Variants in PKIB observed in about 807,000 individuals in gnomAD.
PKIB encodes cAMP-dependent protein kinase inhibitor beta.
In PKIB, 2 loss-of-function variants were observed where a neutral mutation model predicts 4.5. That is an observed-to-expected ratio of 0.44 (90% CI 0.18 to 1.39). The LOEUF (loss-of-function observed/expected upper bound fraction) is 1.39, where lower values mean the gene tolerates loss of function less well. PKIB is among the 40% of genes most tolerant of loss of function. The pLI, the probability that PKIB is intolerant of heterozygous loss-of-function variation, is 0.27. For synonymous variants in PKIB, 38 were observed against 36.0 expected (o/e 1.06, Z -0.20); for missense variants, 94 against 92.6 (o/e 1.02, Z -0.06).
intron 2 of PKIB, among the ~76,000 whole-genome samples, chr6:122,561,165 T>C (rs942339180): frequency 5.9e-5 from 9 of 151,998 alleles, no homozygotes; most frequent in African/African-American, 1.2e-4. Flanking sequence ...GTCTTTTTGA[T>C]GTAGGCGCTT....
At chr6:122,712,727 A>C (rs1345973733) in intron 3 of PKIB, among the ~76,000 whole-genome samples, 1 of 152,212 alleles carries the variant, frequency 6.6e-6, no homozygotes, top group Admixed American at 6.5e-5. Flanking sequence ...CAATGGTTTC[A>C]CTGTGGAAGA....
chr6:122,494,265 A>G (rs1776016968), intron 2 of PKIB, among the ~76,000 whole-genome samples: 1 of 152,194 alleles, frequency 6.6e-6, no homozygotes, highest in South Asian at 2.1e-4. Context: ...TCTGCTTGCT[A>G]GTTTGGAAGT....
intron 2 of PKIB, among the ~76,000 whole-genome samples, chr6:122,667,681 A>T (rs1777287440): frequency 6.6e-6 from 1 of 152,228 alleles, no homozygotes; most frequent in African/African-American, 2.4e-5. Context: ...TTATGGAAAA[A>T]AATTAAAAGT....
chr6:122,617,352 T>C (rs1775034520), intron 1 of PKIB, among the ~76,000 whole-genome samples: 2 of 152,212 alleles, frequency 1.3e-5, no homozygotes, highest in South Asian at 2.1e-4. Flanking sequence ...GGAATACTTT[T>C]CTGGCACGGT....
At chr6:122,508,515 G>A (rs1392063907) in intron 2 of PKIB, among the ~76,000 whole-genome samples, 1 of 152,118 alleles carries the variant, frequency 6.6e-6, no homozygotes, top group African/African-American at 2.4e-5. Context: ...TAGTAAGTAT[G>A]GGGGAAACCA....
intron 3 of PKIB, chr6:122,701,583 T>G: frequency 6.7e-7 from 1 of 1,494,292 alleles, no homozygotes; most frequent in Non-Finnish European, 9.1e-7. Flanking sequence ...ACATAGGCCA[T>G]AGCTCAAGCC....
Position 122,717,808 on chromosome 6 carries a change from C to T in PKIB, c.14C>T (p.Ser5Leu). The T allele has an allele frequency of 6.2e-7, 1 of 1,614,042 alleles. No individual in the cohort carries two copies. The highest frequency in any genetic ancestry group is 8.5e-7 in the Non-Finnish European group (1 of 1,179,978). Residue 5 changes from serine (S) to leucine (L), a missense_variant, in exon 4 of 5, where the codon TCA becomes TTA. Transcript: ENST00000368452. ...GTAGATGTTGCTATGAGGACAGATTCATCAAAAATGACTGACGTGGAGTCT... is the reference window on the plus strand; with the variant it reads ...GTAGATGTTGCTATGAGGACAGATTTATCAAAAATGACTGACGTGGAGTCT... MRTDSSKMTDVESGV... is the reference protein window; with the variant it reads MRTDLSKMTDVESGV...
At chr6:122,707,805 A>G (rs1779121705) in intron 3 of PKIB, among the ~76,000 whole-genome samples, 3 of 152,162 alleles carry the variant, frequency 2.0e-5, no homozygotes, top group Admixed American at 1.3e-4. Flanking sequence ...ATTCTTGTAT[A>G]TGTGCCGCTG....
chr6:122,539,316 G>A (rs947394094), intron 2 of PKIB, among the ~76,000 whole-genome samples: 4 of 152,072 alleles, frequency 2.6e-5, no homozygotes, highest in African/African-American at 9.7e-5. Context: ...TTGGCTGTGG[G>A]TTTGTCATAG....
intron 3 of PKIB, among the ~76,000 whole-genome samples, chr6:122,596,862 G>C (rs1392938261): frequency 2.0e-5 from 3 of 152,180 alleles, no homozygotes; most frequent in Admixed American, 6.5e-5. Flanking sequence ...GCCTTCTCCT[G>C]TTCTGGACCC....
chr6:122,497,426 G>A (rs577025787), intron 2 of PKIB, among the ~76,000 whole-genome samples: 8 of 152,254 alleles, frequency 5.3e-5, no homozygotes, highest in African/African-American at 1.9e-4. Context: ...AAGGCAAAGA[G>A]CAGCAAGTTG....
chr6:122,663,971 GA>G (rs1436069568), intron 2 of PKIB, among the ~76,000 whole-genome samples: 1 of 152,110 alleles, frequency 6.6e-6, no homozygotes, highest in Middle Eastern at 3.2e-3. Flanking sequence ...TTAGCATTTA[GA>G]ACATATGTTC....
chr6:122,672,074 G>A (rs1201669682), intron 2 of PKIB, among the ~76,000 whole-genome samples: 1 of 152,086 alleles, frequency 6.6e-6, no homozygotes, highest in Non-Finnish European at 1.5e-5. Context: ...AAGGAGGATG[G>A]ACAAGCACCA....
chr6:122,478,147 G>A (rs555272525), intron 2 of PKIB: 1 of 151,528 alleles, frequency 6.6e-6, no homozygotes, highest in South Asian at 2.1e-4. Flanking sequence ...TTCCATTATT[G>A]CTTATGGGTC....
intron 2 of PKIB, among the ~76,000 whole-genome samples, chr6:122,520,703 C>G (rs1047302929): frequency 1.7e-5 from 2 of 119,870 alleles, no homozygotes; most frequent in African/African-American, 6.5e-5. Context: ...TTGATGCAAA[C>G]AAATTGTGGT....
At chr6:122,541,688 T>G (rs1439312046) in intron 2 of PKIB, among the ~76,000 whole-genome samples, 2 of 151,932 alleles carry the variant, frequency 1.3e-5, no homozygotes, top group Non-Finnish European at 2.9e-5. Context: ...GAGGAGTATC[T>G]TTGTGGCGTT....
intron 4 of PKIB, among the ~76,000 whole-genome samples, chr6:122,720,672 T>A (rs6918709): frequency 0.99 from 150,040 of 152,210 alleles, 73,984 homozygotes; most frequent in Middle Eastern, 1. Context: ...ACGGAAAAAG[T>A]TTCTGAGATA....
intron 2 of PKIB, among the ~76,000 whole-genome samples, chr6:122,485,994 T>C (rs940025272): frequency 6.6e-6 from 1 of 152,198 alleles, no homozygotes; most frequent in Non-Finnish European, 1.5e-5. Context: ...ATTGTTTCTT[T>C]CTAGAAATAA....
intron 2 of PKIB, among the ~76,000 whole-genome samples, chr6:122,517,222 A>G (rs1482025638): frequency 6.6e-6 from 1 of 152,178 alleles, no homozygotes; most frequent in Non-Finnish European, 1.5e-5. Flanking sequence ...AAGTCAAGTT[A>G]TAGAATGTTT....
Sources: gnomAD v4.1 joint callset for allele counts (sites outside exome capture counted in the v4.1 genomes callset) on GRCh38, gnomAD v4.1.1 for gene constraint, MANE v1.5 for transcripts, NCBI Gene and HGNC (gene_info 2026-07-23, HGNC 2026-07-21) for gene names.